The following RAVER2 variants were observed in gnomAD, a reference collection of about 807,000 sequenced individuals.
RAVER2 encodes ribonucleoprotein PTB-binding 2.
A neutral mutation model predicts 78.1 loss-of-function variants in RAVER2; 46 were observed. The observed-to-expected ratio is 0.59, with a 90% CI of 0.46 to 0.75. RAVER2 has a LOEUF of 0.75. Among genes scored for constraint, RAVER2 ranks in the 30% least tolerant of loss-of-function variants. The pLI, the probability that RAVER2 is intolerant of heterozygous loss-of-function variation, is 0.00. For missense variants in RAVER2, 793 were observed against 837.5 expected, an observed-to-expected ratio of 0.95 and a Z score of 0.66; for synonymous variants, 311 against 313.3, an observed-to-expected ratio of 0.99 and a Z score of 0.08.
exon 11 of RAVER2, chr1:64,814,705 C>T (rs1474379924): frequency 6.9e-7 from 1 of 1,446,438 alleles, no homozygotes; most frequent in East Asian, 2.6e-5. Context: ...TGCCTTTAGC[C>T]CCTGCAAGTA....
exon 12 of RAVER2, chr1:64,832,380 C>CAT (rs1654171877): frequency 6.6e-6 from 1 of 152,584 alleles, no homozygotes. Flanking sequence ...TCTTTATGGA[C>CAT]TATGATGACT....
chr1:64,778,813 C>T (rs1052236468), intron 3 of RAVER2, among the ~76,000 whole-genome samples: 23 of 148,918 alleles, frequency 1.5e-4, no homozygotes, highest in Non-Finnish European at 2.8e-4. Flanking sequence ...TCCTTTTTAC[C>T]GCACTCCCTT....
At chr1:64,830,794 C>A in intron 11 of RAVER2, 45 bp from the exon 12 acceptor site, 1 of 1,500,920 alleles carries the variant, frequency 6.7e-7, no homozygotes, top group Non-Finnish European at 9.1e-7. Flanking sequence ...AATGAATAAG[C>A]CAACTTTAGA....
chr1:64,774,117 C>T (rs569905864), intron 2 of RAVER2, among the ~76,000 whole-genome samples: 3 of 152,234 alleles, frequency 2.0e-5, no homozygotes, highest in Admixed American at 6.5e-5. Context: ...AATTTTCTCC[C>T]GTTCTGTACG....
chr1:64,776,537 T>C (rs1390514610), intron 2 of RAVER2, among the ~76,000 whole-genome samples: 1 of 152,190 alleles, frequency 6.6e-6, no homozygotes, highest in Non-Finnish European at 1.5e-5. Context: ...TACTTCTCTG[T>C]CTCTTGCTAT....
chr1:64,766,582 T>G (rs557380122), intron 1 of RAVER2, among the ~76,000 whole-genome samples: 1 of 152,336 alleles, frequency 6.6e-6, no homozygotes, highest in East Asian at 1.9e-4. Context: ...ATAACATTTC[T>G]AAGTTGCAAA....
At chr1:64,781,326 A>T in intron 3 of RAVER2, 54 bp from the exon 4 acceptor site, 4 of 1,427,810 alleles carry the variant, frequency 2.8e-6, no homozygotes, top group Non-Finnish European at 3.7e-6. Context: ...TATCGTAAAT[A>T]AATGTTTCTA....
At chr1:64,806,175 G>T (rs1653413172) in intron 8 of RAVER2, among the ~76,000 whole-genome samples, 1 of 152,094 alleles carries the variant, frequency 6.6e-6, no homozygotes, top group Non-Finnish European at 1.5e-5. Context: ...TTTAAAAAGT[G>T]GAACGGTTCA....
chr1:64,812,916 T>C, intron 10 of RAVER2, 67 bp downstream of exon 10: 1 of 1,223,916 alleles, frequency 8.2e-7, no homozygotes, highest in Admixed American at 2.6e-5. Flanking sequence ...AGTTTTACTT[T>C]AATTTTTGAC....
intron 11 of RAVER2, among the ~76,000 whole-genome samples, chr1:64,822,397 TAAC>T (rs1282253434): frequency 6.6e-6 from 1 of 152,200 alleles, no homozygotes; most frequent in African/African-American, 2.4e-5. Flanking sequence ...GAAAGTATGA[TAAC>T]AAATGAAAAA....
intron 6 of RAVER2, among the ~76,000 whole-genome samples, chr1:64,804,191 A>G (rs138404595): frequency 1.4e-4 from 21 of 152,284 alleles, no homozygotes; most frequent in African/African-American, 4.8e-4. Flanking sequence ...GCAGTACAAT[A>G]ATTAGTTCCT....
chr1:64,813,866 C>T (rs1168061158), intron 10 of RAVER2, among the ~76,000 whole-genome samples: 1 of 123,936 alleles, frequency 8.1e-6, no homozygotes, highest in Non-Finnish European at 1.7e-5. Flanking sequence ...CACACACACA[C>T]ACACACACGT....
chr1:64,801,300 T>C (rs1653256787), intron 5 of RAVER2, among the ~76,000 whole-genome samples: 1 of 151,192 alleles, frequency 6.6e-6, no homozygotes, highest in Non-Finnish European at 1.5e-5. Context: ...GGTTTCACCA[T>C]GTTGACCAGG....
At chr1:64,753,023 A>G (rs1201775524) in intron 1 of RAVER2, among the ~76,000 whole-genome samples, 2 of 152,184 alleles carry the variant, frequency 1.3e-5, no homozygotes, top group African/African-American at 4.8e-5. Context: ...GCAAGCCACT[A>G]AATCCCTTTT....
intron 11 of RAVER2, among the ~76,000 whole-genome samples, chr1:64,819,211 A>G (rs1258176050): frequency 6.6e-6 from 1 of 152,220 alleles, no homozygotes; most frequent in Non-Finnish European, 1.5e-5. Flanking sequence ...TATAGACAAT[A>G]ACCATAAAAC....
chr1:64,763,287 A>G (rs968502641), intron 1 of RAVER2, among the ~76,000 whole-genome samples: 2 of 152,076 alleles, frequency 1.3e-5, no homozygotes, highest in African/African-American at 2.4e-5. Flanking sequence ...ACAGAGCGAG[A>G]CTCCATCTCA....
intron 1 of RAVER2, among the ~76,000 whole-genome samples, chr1:64,747,501 CATTT>C (rs1651572342): frequency 6.6e-6 from 1 of 151,184 alleles, no homozygotes. Flanking sequence ...TTTATTCATT[CATTT>C]CTTTCTTTCT....
At chr1:64,754,315 G>A (rs2100804802) in intron 1 of RAVER2, among the ~76,000 whole-genome samples, 1 of 152,212 alleles carries the variant, frequency 6.6e-6, no homozygotes, top group South Asian at 2.1e-4. Flanking sequence ...TCTCTATGCA[G>A]CTATATTGTT....
chr1:64,748,771 C>A (rs1651613542), intron 1 of RAVER2, among the ~76,000 whole-genome samples: 1 of 152,182 alleles, frequency 6.6e-6, no homozygotes, highest in Non-Finnish European at 1.5e-5. Context: ...GATAGGACAG[C>A]AGTCTAAGAT....
Sources: allele counts gnomAD v4.1 joint callset (sites outside exome capture counted in the v4.1 genomes callset), GRCh38; gene constraint gnomAD v4.1.1; transcripts MANE v1.5; gene names NCBI Gene and HGNC (gene_info 2026-07-23, HGNC 2026-07-21).